The following LINGO2 variants were observed in gnomAD, a reference collection of about 807,000 sequenced individuals.
LINGO2 encodes the protein leucine-rich repeat and immunoglobulin-like domain-containing nogo receptor-interacting protein 2.
In LINGO2, 14 loss-of-function variants were observed where a neutral mutation model predicts 30.6. The ratio of observed to expected loss-of-function variants is 0.46; its 90% CI spans 0.30 to 0.72. The LOEUF (loss-of-function observed/expected upper bound fraction) is 0.72. Among genes scored for constraint, LINGO2 ranks in the 30% least tolerant of loss-of-function variants. The pLI is 0.07. For missense variants in LINGO2, 729 were observed against 751.7 expected (o/e 0.97, Z 0.35); for synonymous variants, 317 against 288.5 (o/e 1.10, Z -1.00).
At chr9:28,759,482 A>G in the LINGO2 span, among the ~76,000 whole-genome samples, 6 of 151,884 alleles carry the variant, frequency 4.0e-5, no homozygotes, top group Non-Finnish European at 8.8e-5. Flanking sequence ...GGAGATCGAG[A>G]CCATCCTGGC....
At chr9:28,437,558 C>T (rs926022984) in intron 2 of LINGO2, among the ~76,000 whole-genome samples, 1 of 148,558 alleles carries the variant, frequency 6.7e-6, no homozygotes, top group Non-Finnish European at 1.5e-5. Flanking sequence ...CGCACACACA[C>T]ACACACACAC....
intron 4 of LINGO2, among the ~76,000 whole-genome samples, chr9:28,178,309 G>A (rs1423232406): frequency 6.6e-6 from 1 of 152,138 alleles, no homozygotes; most frequent in Non-Finnish European, 1.5e-5. Flanking sequence ...CTCACATGTA[G>A]GAAGAGGAAG....
chr9:28,042,479 A>G (rs920237389), intron 4 of LINGO2, among the ~76,000 whole-genome samples: 1 of 152,180 alleles, frequency 6.6e-6, no homozygotes, highest in Non-Finnish European at 1.5e-5. Context: ...TTTTAATGGC[A>G]TACTGTTTTG....
chr9:28,862,186 A>G, the LINGO2 span, among the ~76,000 whole-genome samples: 18 of 152,262 alleles, frequency 1.2e-4, no homozygotes, highest in South Asian at 3.7e-3. Context: ...AGCACCCAAC[A>G]AAAGCACAGG....
chr9:28,014,843 T>TAC (rs1273466556), intron 4 of LINGO2, among the ~76,000 whole-genome samples: 1 of 152,196 alleles, frequency 6.6e-6, no homozygotes, highest in Non-Finnish European at 1.5e-5. Flanking sequence ...AAGTGACTAC[T>TAC]ACCTCATGCA....
the LINGO2 span, among the ~76,000 whole-genome samples, chr9:29,084,536 C>A: frequency 1.3e-5 from 2 of 152,036 alleles, no homozygotes; most frequent in East Asian, 1.9e-4. Flanking sequence ...TTTTCCTTCA[C>A]TTTCTGCTTC....
the LINGO2 span, among the ~76,000 whole-genome samples, chr9:28,960,607 AAATATGTAT>A: frequency 1.3e-5 from 2 of 149,804 alleles, no homozygotes; most frequent in South Asian, 4.3e-4. Context: ...GAGTGATAAG[AAATATGTAT>A]AATTGTCACT....
chr9:28,674,741 C>T (rs141197050), upstream of LINGO2, among the ~76,000 whole-genome samples: 15 of 152,168 alleles, frequency 9.9e-5, no homozygotes, highest in East Asian at 5.8e-4. Context: ...CATTAACACA[C>T]GGGACAACAC....
At chr9:28,949,793 C>A in the LINGO2 span, among the ~76,000 whole-genome samples, 1 of 152,114 alleles carries the variant, frequency 6.6e-6, no homozygotes, top group Non-Finnish European at 1.5e-5. Flanking sequence ...CAAAACCTGG[C>A]AGAGACACAA....
At chr9:28,797,207 C>T in the LINGO2 span, among the ~76,000 whole-genome samples, 1 of 150,752 alleles carries the variant, frequency 6.6e-6, no homozygotes, top group African/African-American at 2.4e-5. Flanking sequence ...ATGAATTTTC[C>T]AGGAACAGTT....
intron 4 of LINGO2, among the ~76,000 whole-genome samples, chr9:28,235,415 C>T (rs1179566701): frequency 6.6e-6 from 1 of 152,154 alleles, no homozygotes; most frequent in Non-Finnish European, 1.5e-5. Context: ...AAATACCTAA[C>T]TCTTCAATGC....
intron 4 of LINGO2, among the ~76,000 whole-genome samples, chr9:28,144,256 T>A (rs1243502792): frequency 6.6e-6 from 1 of 152,118 alleles, no homozygotes; most frequent in Non-Finnish European, 1.5e-5. Flanking sequence ...ATGAGAAAAA[T>A]ATACCTTTTT....
chr9:28,930,675 C>T, the LINGO2 span, among the ~76,000 whole-genome samples: 3 of 151,818 alleles, frequency 2.0e-5, no homozygotes, highest in African/African-American at 4.8e-5. The surrounding 1 kb of genome is among the most constrained non-coding windows in gnomAD (Gnocchi z 4.2). Flanking sequence ...TAGAAATTAT[C>T]GAGATAGGGA....
chr9:28,077,948 G>C (rs1480399295), intron 4 of LINGO2, among the ~76,000 whole-genome samples: 1 of 149,068 alleles, frequency 6.7e-6, no homozygotes, highest in Non-Finnish European at 1.5e-5. Context: ...TCATGATTAA[G>C]CGTCAACTCT....
rs1563949629 is a variant in LINGO2 at position 28,057,566 on chromosome 9, CATATATATACACATATATGTATAT to C, written c.-86-45185_-86-45162del. Among the ~76,000 whole-genome samples, 353 of 21,906 alleles carry C rather than the reference CATATATATACACATATATGTATAT, an allele frequency of 0.016. 13 individuals are homozygous for C. The East Asian group carries it at 0.27, about 17-fold the overall frequency. 14.4% of individuals were successfully genotyped at this position (21,906 alleles called of 152,430 possible). On this transcript the variant is annotated intron_variant, in intron 4 of 5. Coordinates refer to ENST00000379992, the Ensembl canonical transcript of LINGO2. ...ATATGTATATAAGTATATATATATA[CATATATATACACATATATGTATAT>C]ACATATATATACACATATATGTATA...
chr9:28,610,484 G>A (rs540442704), intron 1 of LINGO2, among the ~76,000 whole-genome samples: 73 of 152,238 alleles, frequency 4.8e-4, no homozygotes, highest in African/African-American at 1.7e-3. Context: ...ATGAAGTCAC[G>A]AGGATAGGGC....
chr9:29,075,106 C>T, the LINGO2 span, among the ~76,000 whole-genome samples: 1 of 152,144 alleles, frequency 6.6e-6, no homozygotes, highest in African/African-American at 2.4e-5. Flanking sequence ...TTAATTTATA[C>T]TAGCATTCAT....
chr9:28,119,418 T>A (rs35932117), intron 4 of LINGO2, among the ~76,000 whole-genome samples: 18,384 of 152,228 alleles, frequency 0.12, 1,179 homozygotes, highest in African/African-American at 0.17. Flanking sequence ...AATTACAGCT[T>A]TACTGCTTAA....
chr9:28,427,913 T>C (rs1389647161), intron 2 of LINGO2, among the ~76,000 whole-genome samples: 2 of 152,160 alleles, frequency 1.3e-5, no homozygotes, highest in African/African-American at 4.8e-5. Context: ...CAACCTCCCC[T>C]ACTTTCTTCA....
Sources: gnomAD v4.1 joint callset for allele counts (sites outside exome capture counted in the v4.1 genomes callset) on GRCh38, gnomAD v4.1.1 for gene constraint, Gnocchi (gnomAD v3.1) non-coding constraint, MANE v1.5 for transcripts, NCBI Gene and HGNC (gene_info 2026-07-23, HGNC 2026-07-21) for gene names.